Variants in C8orf34 observed in about 807,000 individuals in gnomAD.
The protein encoded by C8orf34 is chromosome 8 open reading frame 34, also known as uncharacterized protein C8orf34.
Under a neutral mutation model 68.3 loss-of-function variants are expected in C8orf34, and 65 were observed. The observed-to-expected ratio is 0.95, with a 90% CI of 0.78 to 1.17. The LOEUF (loss-of-function observed/expected upper bound fraction) is 1.17. Among genes scored for constraint, C8orf34 ranks in the 50% most tolerant of loss-of-function variants. The pLI is 0.00. For synonymous variants in C8orf34, 244 were observed against 241.2 expected, an observed-to-expected ratio of 1.01 and a Z score of -0.11; for missense variants, 664 against 655.4, an observed-to-expected ratio of 1.01 and a Z score of -0.14.
At chr8:68,362,763 C>A (rs550968503) in intron 1 of C8orf34, among the ~76,000 whole-genome samples, 2 of 151,082 alleles carry the variant, frequency 1.3e-5, no homozygotes, top group Non-Finnish European at 3.0e-5. Flanking sequence ...TCATCAAAGA[C>A]CAAAAGTAGA....
chr8:68,613,443 T>TCCCCCCCCCCCCC (rs141908753), intron 7 of C8orf34, among the ~76,000 whole-genome samples: 1 of 130,138 alleles, frequency 7.7e-6, no homozygotes, highest in African/African-American at 2.9e-5. Context: ...TCCCTCCCCC[T>TCCCCCCCCCCCCC]CCCCCCACAC....
intron 5 of C8orf34, among the ~76,000 whole-genome samples, chr8:68,492,419 G>C (rs2129631938): frequency 6.6e-6 from 1 of 151,868 alleles, no homozygotes; most frequent in African/African-American, 2.4e-5. Context: ...TTTAGAGACA[G>C]GGTCTTACTA....
At chr8:68,331,859 A>T (rs1805625117) in intron 1 of C8orf34, among the ~76,000 whole-genome samples, 1 of 117,434 alleles carries the variant, frequency 8.5e-6, no homozygotes, top group African/African-American at 3.3e-5. Flanking sequence ...GGTGCTTAGC[A>T]GTTAATACAA....
chr8:68,353,100 A>G (rs542508602), intron 1 of C8orf34, among the ~76,000 whole-genome samples: 3 of 152,214 alleles, frequency 2.0e-5, no homozygotes, highest in Non-Finnish European at 4.4e-5. Context: ...AGGGAAACCC[A>G]TGGGCTAGAC....
At chr8:68,578,642 C>CTATA (rs545258846) in intron 7 of C8orf34, among the ~76,000 whole-genome samples, 5 of 148,720 alleles carry the variant, frequency 3.4e-5, no homozygotes, top group African/African-American at 5.1e-5. Context: ...AGATTAAATA[C>CTATA]TATATATATA....
chr8:68,495,357 T>C (rs1813482770), intron 5 of C8orf34, among the ~76,000 whole-genome samples: 1 of 152,072 alleles, frequency 6.6e-6, no homozygotes, highest in African/African-American at 2.4e-5. Flanking sequence ...ATATAGATTA[T>C]GCCATTTTAT....
intron 8 of C8orf34, among the ~76,000 whole-genome samples, chr8:68,699,314 G>A (rs1820922545): frequency 6.6e-6 from 1 of 152,096 alleles, no homozygotes; most frequent in Admixed American, 6.6e-5. Flanking sequence ...ATGAAACCCT[G>A]TTAAAAATGA....
intron 7 of C8orf34, among the ~76,000 whole-genome samples, chr8:68,638,407 G>T (rs1585654260): frequency 6.6e-6 from 1 of 150,876 alleles, no homozygotes; most frequent in East Asian, 2.0e-4. Context: ...TAAAATTTTA[G>T]ATAGGTTCAT....
intron 1 of C8orf34, among the ~76,000 whole-genome samples, chr8:68,385,658 T>C (rs1432036742): frequency 6.6e-6 from 1 of 152,068 alleles, no homozygotes; most frequent in Non-Finnish European, 1.5e-5. Context: ...TTATCTGAGA[T>C]TTTTTTTCCA....
At chr8:68,592,362 A>T (rs1259224256) in intron 7 of C8orf34, among the ~76,000 whole-genome samples, 1 of 151,942 alleles carries the variant, frequency 6.6e-6, no homozygotes, top group Non-Finnish European at 1.5e-5. Flanking sequence ...GGGCTTTTTC[A>T]TTAGGTTAAT....
At chr8:68,680,684 A>T (rs1820341862) in intron 8 of C8orf34, among the ~76,000 whole-genome samples, 1 of 152,178 alleles carries the variant, frequency 6.6e-6, no homozygotes. Flanking sequence ...TCCAACAAAG[A>T]TCACAAGGCA....
intron 2 of C8orf34, among the ~76,000 whole-genome samples, chr8:68,445,365 T>C (rs1247710588): frequency 1.3e-5 from 2 of 152,122 alleles, no homozygotes; most frequent in East Asian, 1.9e-4. Context: ...GAATGCCACA[T>C]AGATTAGAGG....
intron 5 of C8orf34, among the ~76,000 whole-genome samples, chr8:68,494,638 T>C (rs1813446323): frequency 6.6e-6 from 1 of 152,038 alleles, no homozygotes; most frequent in Non-Finnish European, 1.5e-5. Context: ...GTGGATCACT[T>C]GAGGTCAGGA....
intron 8 of C8orf34, among the ~76,000 whole-genome samples, chr8:68,653,045 A>T (rs1819408993): frequency 6.6e-6 from 1 of 152,186 alleles, no homozygotes; most frequent in Non-Finnish European, 1.5e-5. Flanking sequence ...TCTACTAAAG[A>T]TCTTTATTTC....
chr8:68,457,459 A>G (rs1337782168), intron 3 of C8orf34, among the ~76,000 whole-genome samples: 1 of 152,216 alleles, frequency 6.6e-6, no homozygotes, highest in South Asian at 2.1e-4. Context: ...GAACATTAGC[A>G]TTTATTAAAT....
chr8:68,545,496 G>GA (rs1284617298), intron 7 of C8orf34, among the ~76,000 whole-genome samples: 5 of 151,480 alleles, frequency 3.3e-5, no homozygotes, highest in Non-Finnish European at 5.9e-5. Context: ...AGCATTCAGA[G>GA]AAAAAAAAGA....
Position 68,445,235 on chromosome 8 carries a change from A to G in C8orf34, c.476-1094A>G, listed in dbSNP as rs145279989. Among the ~76,000 whole-genome samples the G allele has an allele frequency of 2.1e-3, 327 of 152,268 alleles. 1 individual carries two copies. The highest frequency in any genetic ancestry group is 7.1e-3 in the African/African-American group (294 of 41,558). On this transcript the variant is annotated intron_variant, in intron 2 of 13. Transcript: ENST00000518698. The stretch of plus-strand genomic sequence containing the variant: ...AGTTTGAGGAATCCATTAATGTGTA[A>G]TGGTGTATGTTAGTTATTTATAAGT...
intron 10 of C8orf34, among the ~76,000 whole-genome samples, chr8:68,745,536 G>A (rs1822460586): frequency 2.0e-5 from 3 of 152,164 alleles, no homozygotes; most frequent in Admixed American, 1.3e-4. Context: ...AAGAATGGAG[G>A]AAGGTCTACC....
chr8:68,417,214 A>G (rs1809711119), intron 1 of C8orf34, among the ~76,000 whole-genome samples: 1 of 152,192 alleles, frequency 6.6e-6, no homozygotes, highest in Non-Finnish European at 1.5e-5. Context: ...GAGCATTTTT[A>G]GGTTTCTAAA....
Sources: gnomAD v4.1 joint callset for allele counts (sites outside exome capture counted in the v4.1 genomes callset) on GRCh38, gnomAD v4.1.1 for gene constraint, MANE v1.5 for transcripts, NCBI Gene and HGNC (gene_info 2026-07-23, HGNC 2026-07-21) for gene names.